RFX7: variants seen among roughly 807,000 people sequenced by gnomAD.
RFX7 encodes the protein regulatory factor X7.
RFX7 carries 26 observed loss-of-function variants against 111.8 expected under a neutral mutation model. The ratio of observed to expected loss-of-function variants is 0.23; its 90% CI spans 0.17 to 0.32. The LOEUF is 0.32. Among genes scored for constraint, RFX7 ranks in the 10% least tolerant of loss-of-function variants. The probability of loss-of-function intolerance (pLI) is 1.00; values close to 1 mark genes in which losing one functional copy is unlikely to be tolerated. For synonymous variants in RFX7, 624 were observed against 624.4 expected, an observed-to-expected ratio of 1.00 and a Z score of 0.01; for missense variants, 1,573 against 1,772.9, an observed-to-expected ratio of 0.89 and a Z score of 2.02.
intron 2 of RFX7, among the ~76,000 whole-genome samples, chr15:56,201,698 A>G (rs1461140187): frequency 1.3e-5 from 2 of 152,130 alleles, no homozygotes; most frequent in Admixed American, 1.3e-4. Context: ...CTTCAAAGCG[A>G]TGTATGGATA....
intron 2 of RFX7, among the ~76,000 whole-genome samples, chr15:56,234,398 A>C (rs1428269242): frequency 1.3e-5 from 2 of 152,160 alleles, no homozygotes; most frequent in African/African-American, 2.4e-5. Flanking sequence ...TGACCTTCTG[A>C]CTTCTTAAAA....
chr15:56,152,842 G>C (rs1289191251), intron 3 of RFX7, among the ~76,000 whole-genome samples: 7 of 148,224 alleles, frequency 4.7e-5, no homozygotes, highest in Non-Finnish European at 1.0e-4. Context: ...TGAGAGAAGA[G>C]TCAAATAGAC....
chr15:56,170,075 T>C (rs2042829667), intron 3 of RFX7, among the ~76,000 whole-genome samples: 1 of 152,210 alleles, frequency 6.6e-6, no homozygotes, highest in South Asian at 2.1e-4. Flanking sequence ...AACCGCAGTA[T>C]GTTTAATGAT....
intron 5 of RFX7, among the ~76,000 whole-genome samples, chr15:56,117,267 C>T (rs1188020718): frequency 6.6e-6 from 1 of 152,020 alleles, no homozygotes; most frequent in Non-Finnish European, 1.5e-5. Context: ...GAGATTTAAA[C>T]TGGGCCTTAG....
Position 56,148,518 on chromosome 15 carries a change from T to G in RFX7, c.196-4035A>C, listed in dbSNP as rs186979642. Among the ~76,000 whole-genome samples the G allele has an allele frequency of 6.7e-3, 1,014 of 152,334 alleles. 6 individuals are homozygous for G. Among genetic ancestry groups the G allele is most frequent in the Non-Finnish European group, 8.7e-3 (589 of 68,026 alleles). On this transcript the variant is annotated intron_variant, in intron 3 of 9. Coordinates refer to ENST00000559447, the MANE Select transcript of RFX7 (RefSeq NM_022841.7). ...GTAAGATCAAGTTGCTTTTGGAGGT[T>G]GAAGGTGGACTTTGGTGTTTGAATC... is the stretch of plus-strand genomic sequence containing the variant.
At chr15:56,153,006 C>T (rs1402344826) in intron 3 of RFX7, among the ~76,000 whole-genome samples, 1 of 152,088 alleles carries the variant, frequency 6.6e-6, no homozygotes, top group Non-Finnish European at 1.5e-5. Flanking sequence ...CAAGTCTAAG[C>T]CACAAAGAAG....
rs56077181 is a variant in RFX7 at position 56,107,296 on chromosome 15, C to CAAAAAAAA, written c.402-3634_402-3627dup. On this transcript the variant is annotated intron_variant, in intron 5 of 9. Transcript: ENST00000559447. ...TGGGCAGTAGAGCAAGACTCCGTCT[C>CAAAAAAAA]AAAAAAAAAAAAAAAAAAAAAAAAA... 2.8e-4 allele frequency among the ~76,000 whole-genome samples: 9 copies of CAAAAAAAA among 32,098 alleles called. 1 individual carries two copies. Among genetic ancestry groups the CAAAAAAAA allele is most frequent in the Non-Finnish European group, 3.9e-4 (7 of 18,048 alleles). 21.1% of individuals were successfully genotyped at this position (32,098 alleles called of 152,430 possible).
chr15:56,168,493 G>A (rs190865405), intron 3 of RFX7, among the ~76,000 whole-genome samples: 4 of 152,264 alleles, frequency 2.6e-5, no homozygotes, highest in East Asian at 1.9e-4. Flanking sequence ...TTAAGCTGGC[G>A]ATAGCATAGT....
Position 56,092,691 on chromosome 15 carries a change from T to A in RFX7, c.*654A>T, listed in dbSNP as rs1404004316. On this transcript the variant is annotated 3_prime_UTR_variant, in exon 10 of 10. Coordinates refer to ENST00000559447, the MANE Select transcript of RFX7 (RefSeq NM_022841.7). Reference sequence around the variant, plus strand: ...AAATATTAATGCAAGGTCACAAATATAAATGGCTACTTGTTTTTTTTCCCT... The same window carrying A: ...AAATATTAATGCAAGGTCACAAATAAAAATGGCTACTTGTTTTTTTTCCCT... The A allele has an allele frequency of 1.3e-5, 2 of 152,608 alleles. No homozygotes were observed. Among genetic ancestry groups the A allele is most frequent in the African/African-American group, 4.8e-5 (2 of 41,458 alleles). The allele number at this position is 152,608 out of a possible 1,614,324, so 9.5% of individuals were successfully genotyped here.
intron 2 of RFX7, 62 bp downstream of exon 2, chr15:56,243,063 A>ACC: frequency 9.2e-6 from 5 of 543,642 alleles, no homozygotes; most frequent in Non-Finnish European, 1.5e-5. Context: ...GCCGCCCCCC[A>ACC]CCCACTTTGC....
chr15:56,189,356 G>A (rs181010503), intron 2 of RFX7, among the ~76,000 whole-genome samples: 11 of 151,754 alleles, frequency 7.2e-5, no homozygotes, highest in African/African-American at 2.2e-4. Flanking sequence ...ATTCACCCAG[G>A]ACAACAGAAC....
chr15:56,198,391 A>G (rs1374617274), intron 2 of RFX7, among the ~76,000 whole-genome samples: 1 of 152,178 alleles, frequency 6.6e-6, no homozygotes, highest in African/African-American at 2.4e-5. Context: ...AGTCAAGGAA[A>G]TATGTTCCAT....
upstream of RFX7, among the ~76,000 whole-genome samples, chr15:56,244,467 C>T (rs545176658): frequency 2.3e-4 from 35 of 152,218 alleles, no homozygotes; most frequent in African/African-American, 8.2e-4. Flanking sequence ...CGGCCTCCAT[C>T]CCCCTGCAAG....
At chr15:56,149,535 T>C (rs1266853978) in intron 3 of RFX7, among the ~76,000 whole-genome samples, 2 of 152,152 alleles carry the variant, frequency 1.3e-5, no homozygotes, top group African/African-American at 4.8e-5. Context: ...TTGGAATGTG[T>C]GTGCAGCCCA....
At chr15:56,219,297 C>A (rs1486074286) in intron 2 of RFX7, among the ~76,000 whole-genome samples, 5 of 152,138 alleles carry the variant, frequency 3.3e-5, no homozygotes, top group Non-Finnish European at 7.4e-5. Flanking sequence ...ATTAATAGAG[C>A]CACTCCAGCT....
chr15:56,109,066 CCTCTTT>C (rs1453315606), intron 5 of RFX7, among the ~76,000 whole-genome samples: 1 of 152,082 alleles, frequency 6.6e-6, no homozygotes, highest in African/African-American at 2.4e-5. Context: ...TCTCCCTCTC[CCTCTTT>C]CCACGGTCTC....
At chr15:56,158,516 G>GAGAT (rs1366931257) in intron 3 of RFX7, among the ~76,000 whole-genome samples, 5 of 152,016 alleles carry the variant, frequency 3.3e-5, no homozygotes, top group African/African-American at 1.2e-4. Flanking sequence ...TTTTTTTACA[G>GAGAT]AGATAGGGTC....
At chr15:56,186,286 T>C (rs2043037010) in intron 2 of RFX7, among the ~76,000 whole-genome samples, 1 of 152,202 alleles carries the variant, frequency 6.6e-6, no homozygotes, top group African/African-American at 2.4e-5. Flanking sequence ...GCACAGAGTA[T>C]GTGGCCTAGA....
intron 5 of RFX7, among the ~76,000 whole-genome samples, chr15:56,134,575 G>A (rs1490487941): frequency 7.3e-6 from 1 of 137,680 alleles, no homozygotes; most frequent in East Asian, 2.1e-4. Flanking sequence ...TTTTTAAATT[G>A]TAGCCTATCT....
Sources: gnomAD v4.1 joint callset for allele counts (sites outside exome capture counted in the v4.1 genomes callset) on GRCh38, gnomAD v4.1.1 for gene constraint, MANE v1.5 for transcripts, NCBI Gene and HGNC (gene_info 2026-07-23, HGNC 2026-07-21) for gene names.